Variants in PGK1 observed in about 807,000 individuals in gnomAD.
The protein encoded by PGK1 is phosphoglycerate kinase 1.
Under a neutral mutation model 26.9 loss-of-function variants are expected in PGK1, and 3 were observed. The ratio of observed to expected loss-of-function variants is 0.11; its 90% CI spans 0.05 to 0.29. The LOEUF (loss-of-function observed/expected upper bound fraction) is 0.29. PGK1 is among the 10% of genes least tolerant of loss of function. The pLI, the probability that PGK1 is intolerant of heterozygous loss-of-function variation, is 1.00. For missense variants in PGK1, 270 were observed against 314.7 expected (o/e 0.86, Z 1.07); for synonymous variants, 125 against 115.3 (o/e 1.08, Z -0.54).
chrX:78,115,626 C>T lies in PGK1; in HGVS notation c.417+1466C>T, dbSNP rs191743769. Among the ~76,000 whole-genome samples, 286 of 111,636 alleles carry T rather than the reference C, an allele frequency of 2.6e-3. 2 individuals carry two copies. Among genetic ancestry groups the T allele is most frequent in the Non-Finnish European group, 3.3e-3 (177 of 53,090 alleles). On this transcript the variant is annotated intron_variant, in intron 4 of 10. Coordinates refer to ENST00000373316, the MANE Select transcript of PGK1 (RefSeq NM_000291.4). ...CCAAGTTTGCAGCACTGCATTCCAG[C>T]CTGGGCAACAGAGCAAGACTCTGTC...
intron 4 of PGK1, among the ~76,000 whole-genome samples, chrX:78,115,878 C>T (rs989230674): frequency 9.0e-6 from 1 of 111,175 alleles, no homozygotes; most frequent in Non-Finnish European, 1.9e-5. Flanking sequence ...GAGACAGGGT[C>T]TTGTTCTGTT....
intron 2 of PGK1, among the ~76,000 whole-genome samples, chrX:78,111,377 G>A (rs1441672134): frequency 7.1e-5 from 8 of 112,363 alleles, no homozygotes; most frequent in Admixed American, 1.9e-4. Context: ...ACTGTGCTCC[G>A]CCTATTTTAA....
chrX:78,112,472 AT>A (rs2149131506), intron 2 of PGK1, among the ~76,000 whole-genome samples: 1 of 112,200 alleles, frequency 8.9e-6, no homozygotes, highest in South Asian at 3.6e-4. Context: ...AAGGGAGTTA[AT>A]TTTTTGATTA....
Position 78,119,023 on chromosome X carries a change from G to A in PGK1, c.641+853G>A, listed in dbSNP as rs141471527. On this transcript the variant is annotated intron_variant, in intron 6 of 10. Coordinates refer to ENST00000373316, the MANE Select transcript of PGK1 (RefSeq NM_000291.4). ...GAAGATGGCTCTGCAGGGAAGAATGGGAAAGATCCACCATAGGTGCTCATT... is the reference window on the plus strand; with the variant it reads ...GAAGATGGCTCTGCAGGGAAGAATGAGAAAGATCCACCATAGGTGCTCATT... 6.5e-3 allele frequency among the ~76,000 whole-genome samples: 726 copies of A among 111,380 alleles called. 8 individuals carry two copies. The highest frequency in any genetic ancestry group is 0.023 in the African/African-American group (705 of 30,624).
At position 78,125,037 on chromosome X, in the gene PGK1, G is replaced by C; in HGVS notation, c.1100G>C (p.Cys367Ser). Residue 367 changes from cysteine (C) to serine (S), a missense_variant, in exon 9 of 11, where the codon TGC (cysteine) becomes TCC (serine). Physicochemically the swap from Cys to Ser is moderately radical, Grantham distance 112. Around this residue, in one of 3 missense-constraint regions of PGK1, gnomAD observed 103 missense variants for 114.6 expected, o/e 0.90. Coordinates refer to ENST00000373316, the MANE Select transcript of PGK1 (RefSeq NM_000291.4). ...DEVVKATSRG[C>S]ITIIGGGDTA... ...GTGGTGAAAGCCACTTCTAGGGGCT[G>C]CATCACCATCATAGGTAAGCGGTCC... 5 of 1,208,032 alleles carry C rather than the reference G, an allele frequency of 4.1e-6. No homozygotes were observed. The highest frequency in any genetic ancestry group is 5.6e-6 in the Non-Finnish European group (5 of 892,024).
In PGK1 at chrX:78,126,456, T is replaced by A. The variant is rs1018940755; in HGVS notation, c.*626T>A. 1 of 111,810 alleles carries A rather than the reference T, an allele frequency of 8.9e-6. No individual in the cohort carries two copies. The highest frequency in any genetic ancestry group is 3.3e-5 in the African/African-American group (1 of 30,568). The allele number at this position is 111,810 out of a possible 1,213,427, so 9.2% of individuals were successfully genotyped here. A position where few individuals can be genotyped will look rare whatever the true frequency, so the allele number is the denominator to read the frequency against. ...TTATGGCAGACATTGTGCTAGTGCT[T>A]TTATTCTAACTTTTATTTTTATCAG... On this transcript the variant is annotated 3_prime_UTR_variant, in exon 11 of 11. Coordinates refer to ENST00000373316, the MANE Select transcript of PGK1 (RefSeq NM_000291.4).
intron 8 of PGK1, among the ~76,000 whole-genome samples, chrX:78,123,640 C>T (rs1415712833): frequency 1.9e-5 from 2 of 103,432 alleles, no homozygotes; most frequent in African/African-American, 3.5e-5. Context: ...GACAGAGTCT[C>T]GCTGTGTCAC....
intron 1 of PGK1, chrX:78,106,628 C>G: frequency 1.3e-6 from 1 of 752,992 alleles, no homozygotes; most frequent in Non-Finnish European, 1.6e-6. Flanking sequence ...GCTGACTCTT[C>G]TGGTCCACTG....
At chrX:78,122,704 A>G in intron 6 of PGK1, 131 bp from the exon 7 acceptor site, 1 of 490,373 alleles carries the variant, frequency 2.0e-6, no homozygotes, top group South Asian at 2.8e-5. Flanking sequence ...CATAGGGCAA[A>G]GTTAGGCAGT....
rs1557248513 is a variant in PGK1 at position 78,125,048 on chromosome X, A to G, written c.1111A>G (p.Ile371Val). 1 of 1,205,236 alleles carries G rather than the reference A, an allele frequency of 8.3e-7. No individual in the cohort carries two copies. The highest frequency in any genetic ancestry group is 1.1e-6 in the Non-Finnish European group (1 of 889,447). Residue 371 changes from isoleucine to valine, a missense_variant, in exon 9 of 11, where the codon ATA becomes GTA. Ile to Val is a conservative substitution (Grantham distance 29). Coordinates refer to ENST00000373316, the MANE Select transcript of PGK1 (RefSeq NM_000291.4). Reference protein sequence around the residue: ...KATSRGCITIIGGGDTATCCA... With the variant: ...KATSRGCITIVGGGDTATCCA... ...CACTTCTAGGGGCTGCATCACCATC[A>G]TAGGTAAGCGGTCCTATACAAAGCT...
Position 78,104,365 on chromosome X carries a change from C to T in PGK1, c.25C>T (p.Leu9=). 1 of 1,204,959 alleles carries T rather than the reference C, an allele frequency of 8.3e-7. No homozygotes were observed. The highest frequency in any genetic ancestry group is 1.1e-6 in the Non-Finnish European group (1 of 889,042). Residue 9 remains leucine, a synonymous_variant, in exon 1 of 11, where the codon CTG becomes TTG. Transcript: ENST00000373316. ...AATGTCGCTTTCTAACAAGCTGACGCTGGACAAGCTGGACGTTAAAGGGAA... is the reference window on the plus strand; with the variant it reads ...AATGTCGCTTTCTAACAAGCTGACGTTGGACAAGCTGGACGTTAAAGGGAA... MSLSNKLT[L]DKLDVKGKRV...
chrX:78,112,858 C>T (rs568559745), intron 2 of PGK1, among the ~76,000 whole-genome samples: 1 of 112,132 alleles, frequency 8.9e-6, no homozygotes, highest in Middle Eastern at 4.6e-3. Flanking sequence ...TGTGAGGGGA[C>T]ACATCAAGTG....
intron 7 of PGK1, 96 bp downstream of exon 7, chrX:78,123,045 T>A (rs1557248202): frequency 1.4e-6 from 1 of 725,603 alleles, no homozygotes; most frequent in East Asian, 3.2e-5. Flanking sequence ...ACATGAGCCC[T>A]GAAAATTCCC....
chrX:78,119,053 A>C (rs2149134466), intron 6 of PGK1, among the ~76,000 whole-genome samples: 1 of 111,367 alleles, frequency 9.0e-6, no homozygotes, highest in Non-Finnish European at 1.9e-5. Context: ...CTCATTTAGC[A>C]ATTTTGAAGT....
chrX:78,114,350 G>A (rs2078316377), intron 4 of PGK1, among the ~76,000 whole-genome samples, 190 bp downstream of exon 4: 1 of 112,083 alleles, frequency 8.9e-6, no homozygotes, highest in Admixed American at 9.4e-5. Flanking sequence ...TCAAGGAATA[G>A]AATATTACCA....
intron 5 of PGK1, 90 bp downstream of exon 5, chrX:78,117,505 G>C: frequency 1.7e-6 from 1 of 595,194 alleles, no homozygotes; most frequent in Non-Finnish European, 2.9e-6. Flanking sequence ...GGAGAGTTTT[G>C]TATTATACTG....
intron 6 of PGK1, 94 bp downstream of exon 6, chrX:78,118,264 C>T: frequency 1.1e-6 from 1 of 922,687 alleles, no homozygotes; most frequent in South Asian, 2.0e-5. Flanking sequence ...CTCAGTCACA[C>T]TGGGTAACTG....
At chrX:78,116,147 A>G (rs2078325607) in intron 4 of PGK1, among the ~76,000 whole-genome samples, 1 of 110,864 alleles carries the variant, frequency 9.0e-6, no homozygotes, top group African/African-American at 3.3e-5. Context: ...GGTGTGAGCT[A>G]CTGCCCCTGG....
chrX:78,119,638 A>G (rs1046475041), intron 6 of PGK1, among the ~76,000 whole-genome samples: 5 of 111,403 alleles, frequency 4.5e-5, no homozygotes, highest in Non-Finnish European at 7.5e-5. Flanking sequence ...TGGTGATTGG[A>G]TCAAGGGGGC....
Sources: allele counts gnomAD v4.1 joint callset (sites outside exome capture counted in the v4.1 genomes callset), GRCh38; gene constraint gnomAD v4.1.1; regional missense constraint gnomAD v4.1.1; transcripts MANE v1.5; gene names NCBI Gene and HGNC (gene_info 2026-07-23, HGNC 2026-07-21).